COA1: variants seen among roughly 807,000 people sequenced by gnomAD.
COA1 encodes the protein cytochrome c oxidase assembly factor 1, also known as cytochrome c oxidase assembly factor 1 homolog.
COA1 carries 13 observed loss-of-function variants against 16.0 expected under a neutral mutation model. The ratio of observed to expected loss-of-function variants is 0.81; its 90% CI spans 0.53 to 1.29. The LOEUF (loss-of-function observed/expected upper bound fraction) is 1.29. Ranked by LOEUF, COA1 falls within the 50% of genes most tolerant of loss-of-function variation. COA1 has a pLI of 0.00. For synonymous variants in COA1, 65 were observed against 65.7 expected (o/e 0.99, Z 0.05); for missense variants, 179 against 177.0 (o/e 1.01, Z -0.06).
At chr7:43,710,186 C>T (rs1181584) in intron 1 of COA1, among the ~76,000 whole-genome samples, 64,886 of 144,856 alleles carry the variant, frequency 0.45, 14,525 homozygotes, top group African/African-American at 0.57. Context: ...CCTGCCTCTA[C>T]TAAAAATACA....
At chr7:43,647,912 C>T (rs368669269) in intron 2 of COA1, 4 of 410,574 alleles carry the variant, frequency 9.7e-6, no homozygotes, top group East Asian at 4.2e-5. Context: ...GAGCATTCAG[C>T]CCACCATCCT....
chr7:43,650,872 C>CA (rs989279087), intron 1 of COA1, among the ~76,000 whole-genome samples: 1 of 150,406 alleles, frequency 6.6e-6, no homozygotes, highest in Non-Finnish European at 1.5e-5. Flanking sequence ...AGTGAGGACT[C>CA]AAGAGTGCTC....
chr7:43,686,508 G>A (rs983089020), intron 1 of COA1, among the ~76,000 whole-genome samples: 2 of 151,798 alleles, frequency 1.3e-5, no homozygotes, highest in Middle Eastern at 3.2e-3. Flanking sequence ...GGGTTTCACC[G>A]TGGTCTCGAT....
chr7:43,610,001 G>C (rs190284652), intron 6 of COA1, among the ~76,000 whole-genome samples: 216 of 152,308 alleles, frequency 1.4e-3, no homozygotes, highest in Admixed American at 4.3e-3. Flanking sequence ...TCTGATTCAG[G>C]GTAGGGCAAG....
chr7:43,703,546 A>C (rs866849497), intron 1 of COA1, among the ~76,000 whole-genome samples: 22 of 152,140 alleles, frequency 1.4e-4, no homozygotes, highest in African/African-American at 5.3e-4. Context: ...AGGATCATTA[A>C]ATCTTCTAGT....
intron 6 of COA1, chr7:43,609,769 G>A (rs982818182): frequency 1.3e-5 from 2 of 152,256 alleles, no homozygotes; most frequent in East Asian, 1.9e-4. Flanking sequence ...ATGGTAACCT[G>A]AGAAGGCCGA....
At chr7:43,644,875 G>C (rs1296736490) in intron 4 of COA1, among the ~76,000 whole-genome samples, 2 of 150,330 alleles carry the variant, frequency 1.3e-5, no homozygotes, top group East Asian at 2.0e-4. Flanking sequence ...TCAAACCCCA[G>C]GGCTCAAGCA....
At chr7:43,680,562 C>T (rs893676728) in intron 1 of COA1, among the ~76,000 whole-genome samples, 8 of 152,156 alleles carry the variant, frequency 5.3e-5, no homozygotes, top group African/African-American at 1.9e-4. Context: ...ATGAGTTTTT[C>T]CCTTTATCTC....
intron 1 of COA1, among the ~76,000 whole-genome samples, chr7:43,698,620 C>A (rs144589879): frequency 2.4e-3 from 371 of 152,306 alleles, no homozygotes; most frequent in African/African-American, 8.0e-3. Context: ...CTGCCATGAG[C>A]CAACAGTGAC....
intron 1 of COA1, among the ~76,000 whole-genome samples, chr7:43,701,925 G>A (rs1235024991): frequency 4.0e-5 from 6 of 151,860 alleles, no homozygotes; most frequent in Non-Finnish European, 7.4e-5. Flanking sequence ...CTTTAATGGG[G>A]TTGTTTTCTG....
At chr7:43,724,015 G>A (rs1413205589) in intron 1 of COA1, among the ~76,000 whole-genome samples, 1 of 152,140 alleles carries the variant, frequency 6.6e-6, no homozygotes, top group Non-Finnish European at 1.5e-5. Flanking sequence ...AGTCTGAATT[G>A]CAATAATTTT....
intron 3 of COA1, 23 bp downstream of exon 3, chr7:43,647,512 C>T (rs776556154): frequency 2.6e-6 from 4 of 1,548,982 alleles, no homozygotes; most frequent in Non-Finnish European, 3.6e-6. Flanking sequence ...GGTCAGGCCG[C>T]AGGCGGCTAG....
intron 1 of COA1, among the ~76,000 whole-genome samples, chr7:43,674,875 T>C (rs2093440502): frequency 6.6e-6 from 1 of 152,218 alleles, no homozygotes; most frequent in South Asian, 2.1e-4. Context: ...TATTAGGTAT[T>C]TTCAAAACAG....
intron 1 of COA1, among the ~76,000 whole-genome samples, chr7:43,701,105 ATC>A (rs1240386973): frequency 6.6e-6 from 1 of 152,136 alleles, no homozygotes; most frequent in African/African-American, 2.4e-5. Flanking sequence ...ACTTTTTAAA[ATC>A]TTTTTGAACT....
rs576442856 is a variant in COA1 at position 43,612,632 on chromosome 7, C to A, written c.*134-3137G>T. Among the ~76,000 whole-genome samples the A allele has an allele frequency of 1.2e-3, 186 of 152,300 alleles. 1 individual carries two copies. Among genetic ancestry groups the A allele is most frequent in the Non-Finnish European group, 2.4e-3 (163 of 68,038 alleles). On this transcript the variant is annotated intron_variant and NMD_transcript_variant, in intron 6 of 6. Transcript: ENST00000415076. ...AAATGGGAAACTCCTGTCCCTGTGACAGAAGTTAGTTGGAAGTTAAAACAA... is the reference window on the plus strand; with the variant it reads ...AAATGGGAAACTCCTGTCCCTGTGAAAGAAGTTAGTTGGAAGTTAAAACAA...
intron 1 of COA1, among the ~76,000 whole-genome samples, chr7:43,652,184 G>A (rs1270462884): frequency 1.3e-5 from 2 of 152,198 alleles, no homozygotes; most frequent in Non-Finnish European, 2.9e-5. Flanking sequence ...CCTGAAGCAG[G>A]AGCAGGGCCA....
At chr7:43,677,046 C>T (rs892016909) in intron 1 of COA1, among the ~76,000 whole-genome samples, 3 of 152,292 alleles carry the variant, frequency 2.0e-5, no homozygotes, top group East Asian at 1.9e-4. Context: ...ATCCTTTGTA[C>T]GATGCCTAAC....
intron 1 of COA1, among the ~76,000 whole-genome samples, chr7:43,675,115 T>C (rs2093451003): frequency 6.6e-6 from 1 of 152,190 alleles, no homozygotes; most frequent in African/African-American, 2.4e-5. Context: ...ACACCATCAC[T>C]TTCTCCTCTG....
At chr7:43,700,620 T>TGTGTGTGTGTGTGTG (rs2094699898) in intron 1 of COA1, among the ~76,000 whole-genome samples, 1 of 58,968 alleles carries the variant, frequency 1.7e-5, no homozygotes, top group African/African-American at 6.7e-5. Context: ...GTGTGTGTGT[T>TGTGTGTGTGTGTGTG]AGAGTAAGGT....
Sources: gnomAD v4.1 joint callset for allele counts (sites outside exome capture counted in the v4.1 genomes callset) on GRCh38, gnomAD v4.1.1 for gene constraint, MANE v1.5 for transcripts, NCBI Gene and HGNC (gene_info 2026-07-23, HGNC 2026-07-21) for gene names.